Variants in MARK1 observed in about 807,000 individuals in gnomAD.
MARK1 encodes serine/threonine-protein kinase MARK1.
In MARK1, 40 loss-of-function variants were observed where a neutral mutation model predicts 96.3. The ratio of observed to expected loss-of-function variants is 0.42; its 90% CI spans 0.32 to 0.54. The LOEUF is 0.54. Ranked by LOEUF, MARK1 falls within the 20% of genes least tolerant of loss-of-function variation. The probability of loss-of-function intolerance (pLI) is 0.16; values close to 1 mark genes in which losing one functional copy is unlikely to be tolerated. For missense variants in MARK1, 719 were observed against 984.6 expected (o/e 0.73, Z 3.61); for synonymous variants, 317 against 341.2 (o/e 0.93, Z 0.78).
At chr1:220,560,994 G>C (rs115215445) in intron 1 of MARK1, among the ~76,000 whole-genome samples, 2,360 of 152,222 alleles carry the variant, frequency 0.016, 34 homozygotes, top group Middle Eastern at 0.044. Context: ...GAGTGGTTGG[G>C]TTTTGGAATG....
chr1:220,615,789 T>C (rs1666707675), intron 6 of MARK1, 150 bp from the exon 7 acceptor site: 4 of 498,534 alleles, frequency 8.0e-6, no homozygotes, highest in Non-Finnish European at 1.4e-5. Context: ...ATCACTTTAA[T>C]GTGTATAGTT....
chr1:220,542,948 C>A (rs1329385096), intron 1 of MARK1, among the ~76,000 whole-genome samples: 1 of 152,092 alleles, frequency 6.6e-6, no homozygotes, highest in Non-Finnish European at 1.5e-5. Context: ...TGTTCCTAAA[C>A]CATGTATCAT....
rs372532430 is a variant in MARK1 at position 220,599,898 on chromosome 1, T to C, written c.424+35T>C. 3.1e-4 allele frequency: 449 copies of C among 1,433,690 alleles called. 1 individual carries two copies. Among genetic ancestry groups the C allele is most frequent in the Non-Finnish European group, 4.2e-4 (435 of 1,028,124 alleles). The allele number at this position is 1,433,690 out of a possible 1,614,324, so 88.8% of individuals were successfully genotyped here. A position where few individuals can be genotyped will look rare whatever the true frequency, so the allele number is the denominator to read the frequency against. The stretch of plus-strand genomic sequence containing the variant: ...AGGGTGATTGAAAAGTTCTCTTTGC[T>C]GAGACATACAGAAATGTTAACACCT... On this transcript the variant is annotated intron_variant, in intron 5 of 17. Transcript: ENST00000366917.
chr1:220,587,260 C>T (rs1470888554), intron 3 of MARK1, among the ~76,000 whole-genome samples: 1 of 150,722 alleles, frequency 6.6e-6, no homozygotes, highest in African/African-American at 2.5e-5. Flanking sequence ...TCTCTCCTTT[C>T]CTTCCTTCCT....
At chr1:220,616,695 C>T (rs535068202) in intron 7 of MARK1, among the ~76,000 whole-genome samples, 2 of 151,784 alleles carry the variant, frequency 1.3e-5, no homozygotes, top group South Asian at 4.2e-4. Context: ...GTCAAAAAGT[C>T]AAGTCTAATT....
Position 220,650,638 on chromosome 1 carries a change from G to A in MARK1, c.1489G>A (p.Gly497Ser), listed in dbSNP as rs1438470150. 6.2e-7 allele frequency: 1 copy of A among 1,607,332 alleles called. No homozygotes were observed. Among genetic ancestry groups the A allele is most frequent in the Non-Finnish European group, 8.5e-7 (1 of 1,174,446 alleles). ...CTTGAAGAACAATGTGTATTCTGGA[G>A]GTAGCATGGCAAGAAGGAATACATA... ...TIPSNNVYSG[G>S]SMARRNTYVC... The change falls in exon 14 of 18, where the codon GGT (glycine) becomes AGT (serine). Residue 497 changes from glycine (G) to serine (S), a missense_variant. Physicochemically the swap from Gly to Ser is moderately conservative, Grantham distance 56. This residue lies in a region of MARK1 where 501 missense variants were observed against 588.3 expected (regional missense o/e 0.85). Coordinates refer to ENST00000366917, the MANE Select transcript of MARK1 (RefSeq NM_018650.5).
At chr1:220,559,387 C>T (rs937562782) in intron 1 of MARK1, among the ~76,000 whole-genome samples, 1 of 152,168 alleles carries the variant, frequency 6.6e-6, no homozygotes, top group African/African-American at 2.4e-5. Context: ...ATGATGGAGG[C>T]AAACCTGGTT....
Position 220,631,028 on chromosome 1 carries a change from T to A in MARK1, c.910-7T>A. ...TGACCACACATAATGTAGAGTTTAT[T>A]TCCTAGCAAATAATGAAAGATCGAT... is the stretch of plus-strand genomic sequence containing the variant. On this transcript the variant is annotated splice_region_variant and splice_polypyrimidine_tract_variant and intron_variant, in intron 9 of 17. Coordinates refer to ENST00000366917, the MANE Select transcript of MARK1 (RefSeq NM_018650.5). 6.3e-7 allele frequency: 1 copy of A among 1,592,940 alleles called. No homozygotes were observed.
intron 6 of MARK1, 104 bp downstream of exon 6, chr1:220,604,241 G>A: frequency 1.8e-6 from 1 of 568,288 alleles, no homozygotes; most frequent in Non-Finnish European, 3.0e-6. Context: ...TTAAAAAGAA[G>A]AATTCCTGCT....
intron 17 of MARK1, among the ~76,000 whole-genome samples, chr1:220,661,137 A>C (rs1470055202): frequency 6.6e-6 from 1 of 152,236 alleles, no homozygotes. Context: ...TTCAAGGAGC[A>C]GCATGGAGGC....
At chr1:220,635,711 A>G (rs1667922435) in intron 12 of MARK1, 122 bp from the exon 13 acceptor site, 1 of 1,143,514 alleles carries the variant, frequency 8.7e-7, no homozygotes, top group Non-Finnish European at 1.2e-6. Context: ...ATCAAAATTT[A>G]ATCTTCGTTC....
At chr1:220,594,188 A>T (rs1665174048) in intron 3 of MARK1, among the ~76,000 whole-genome samples, 2 of 152,240 alleles carry the variant, frequency 1.3e-5, no homozygotes, top group South Asian at 4.1e-4. Flanking sequence ...CTTGAAAATG[A>T]ACAACTTGAT....
intron 3 of MARK1, among the ~76,000 whole-genome samples, chr1:220,588,284 T>C (rs192451829): frequency 1.3e-5 from 2 of 152,312 alleles, no homozygotes; most frequent in African/African-American, 4.8e-5. Flanking sequence ...ATTCAAGTAA[T>C]GTGAAATTGG....
At chr1:220,601,124 T>C (rs1665716548) in intron 5 of MARK1, among the ~76,000 whole-genome samples, 1 of 152,086 alleles carries the variant, frequency 6.6e-6, no homozygotes, top group African/African-American at 2.4e-5. Flanking sequence ...TTCACCGTGT[T>C]AGCCAGGATG....
chr1:220,594,552 A>G (rs1665201329), intron 3 of MARK1, among the ~76,000 whole-genome samples: 1 of 152,208 alleles, frequency 6.6e-6, no homozygotes, highest in Non-Finnish European at 1.5e-5. Flanking sequence ...ACTTACGTCC[A>G]CACAGAAACT....
At chr1:220,539,142 G>A (rs1187688803) in intron 1 of MARK1, among the ~76,000 whole-genome samples, 2 of 150,750 alleles carry the variant, frequency 1.3e-5, no homozygotes, top group Admixed American at 6.6e-5. Flanking sequence ...TCCCTGTCTT[G>A]TGCCAGTTTT....
At chr1:220,620,513 C>T (rs1666997854) in intron 9 of MARK1, among the ~76,000 whole-genome samples, 1 of 152,046 alleles carries the variant, frequency 6.6e-6, no homozygotes, top group Admixed American at 6.6e-5. Context: ...AAAGAACATA[C>T]AAAAATTATT....
chr1:220,566,684 T>C (rs962486397), intron 1 of MARK1, among the ~76,000 whole-genome samples: 4 of 152,206 alleles, frequency 2.6e-5, no homozygotes, highest in Non-Finnish European at 5.9e-5. Flanking sequence ...TGTCCATACA[T>C]AGTAGATATT....
chr1:220,609,269 T>A (rs1666283071), intron 6 of MARK1, among the ~76,000 whole-genome samples: 1 of 152,232 alleles, frequency 6.6e-6, no homozygotes, highest in Non-Finnish European at 1.5e-5. Context: ...TTAGGATAGT[T>A]AGCTCTTCTT....
Sources: gnomAD v4.1 joint callset for allele counts (sites outside exome capture counted in the v4.1 genomes callset) on GRCh38, gnomAD v4.1.1 for gene constraint, gnomAD v4.1.1 regional missense constraint, MANE v1.5 for transcripts, NCBI Gene and HGNC (gene_info 2026-07-23, HGNC 2026-07-21) for gene names.